Variants in GBX1 observed in about 807,000 individuals in gnomAD.
GBX1 encodes the protein gastrulation brain homeobox 1.
Under a neutral mutation model 22.9 loss-of-function variants are expected in GBX1, and 9 were observed. The observed-to-expected ratio is 0.39, with a 90% CI of 0.24 to 0.69. The LOEUF (loss-of-function observed/expected upper bound fraction) is 0.69, where lower values mean the gene tolerates loss of function less well. Among genes scored for constraint, GBX1 ranks in the 30% least tolerant of loss-of-function variants. GBX1 has a pLI of 0.43. For synonymous variants in GBX1, 203 were observed against 227.3 expected, an observed-to-expected ratio of 0.89 and a Z score of 0.96; for missense variants, 494 against 509.2, an observed-to-expected ratio of 0.97 and a Z score of 0.29.
rs534878987 is a variant in GBX1 at position 151,148,078 on chromosome 7, G to A, written c.*511C>T. 9.8e-5 allele frequency among the ~76,000 whole-genome samples: 15 copies of A among 152,300 alleles called. No individual in the cohort carries two copies. The highest frequency in any genetic ancestry group is 1.8e-4 in the Non-Finnish European group (12 of 68,020). On this transcript the variant is annotated 3_prime_UTR_variant, in exon 2 of 2. Coordinates refer to ENST00000297537, the MANE Select transcript of GBX1 (RefSeq NM_001098834.3). The surrounding 1 kb of genome is among the most constrained non-coding windows in gnomAD (Gnocchi z 5.1). ...CCTACCCCAAAGCAGTAGGACAGACGAACTCTGGCTGAGGATTGAGGAAAC... is the reference window on the plus strand; with the variant it reads ...CCTACCCCAAAGCAGTAGGACAGACAAACTCTGGCTGAGGATTGAGGAAAC...
At chr7:151,156,385 C>CAAAAAAAAA (rs56947735) in intron 1 of GBX1, among the ~76,000 whole-genome samples, 4 of 15,930 alleles carry the variant, frequency 2.5e-4, no homozygotes, top group African/African-American at 3.5e-4. Context: ...GACCCTGTCT[C>CAAAAAAAAA]AAAAAAAAAA....
rs978849771 is a variant in GBX1 at position 151,167,158 on chromosome 7, T to C, written c.391A>G (p.Thr131Ala). The stretch of plus-strand genomic sequence containing the variant: ...GGCTCGGGGTTGTTTCGGGCGGCAG[T>C]GGCGGCGGCGGCGGCAGCGGCGGCG... ...LAAAAAAAAA[T>A]AARNNPEPGG... is the part of the protein sequence containing the mutation. The change falls in exon 1 of 2, where the codon ACT (threonine) becomes GCT (alanine). Residue 131 changes from threonine to alanine, a missense_variant. This residue lies in a region of GBX1 where 365 missense variants were observed against 340.4 expected (regional missense o/e 1.07). Coordinates refer to ENST00000297537, the MANE Select transcript of GBX1 (RefSeq NM_001098834.3). The surrounding 1 kb of genome is among the most constrained non-coding windows in gnomAD (Gnocchi z 5.9). 7 of 1,591,928 alleles carry C rather than the reference T, an allele frequency of 4.4e-6. No individual in the cohort carries two copies. The African/African-American group carries it at 5.5e-5, about 13-fold the overall frequency.
intron 1 of GBX1, 56 bp from the exon 2 acceptor site, chr7:151,149,198 T>C: frequency 1.3e-6 from 2 of 1,525,422 alleles, no homozygotes; most frequent in East Asian, 2.3e-5. Flanking sequence ...AAAGAGAGTT[T>C]GGAGGAGGCC....
Position 151,148,676 on chromosome 7 carries a change from G to A in GBX1, c.1005C>T (p.Pro335=), listed in dbSNP as rs1801041684. The part of the protein sequence containing the change: ...SSRSGEPVRN[P]KIVVPIPVHV... ...GCACAGGTATGGGGACAACAATCTT[G>A]GGGTTTCTTACGGGCTCCCCAGAAC... Residue 335 remains proline, a synonymous_variant, in exon 2 of 2, where the codon CCC becomes CCT. Coordinates refer to ENST00000297537, the MANE Select transcript of GBX1 (RefSeq NM_001098834.3). This position sits in a 1 kb window ranked among gnomAD's most constrained non-coding sequence, Gnocchi z 5.1. 6.2e-7 allele frequency: 1 copy of A among 1,613,954 alleles called. No individual in the cohort carries two copies. The highest frequency in any genetic ancestry group is 8.5e-7 in the Non-Finnish European group (1 of 1,180,030).
intron 1 of GBX1, among the ~76,000 whole-genome samples, chr7:151,163,087 TGA>T (rs1347306250): frequency 6.6e-6 from 1 of 152,182 alleles, no homozygotes; most frequent in East Asian, 1.9e-4. Context: ...ATTACAGGCG[TGA>T]GCCACCGCGC....
At position 151,167,442 on chromosome 7, in the gene GBX1, G is replaced by A; in HGVS notation, c.107C>T (p.Pro36Leu). 3 of 1,509,350 alleles carry A rather than the reference G, an allele frequency of 2.0e-6. No individual in the cohort carries two copies. The highest frequency in any genetic ancestry group is 2.6e-6 in the Non-Finnish European group (3 of 1,132,144). The allele number at this position is 1,509,350 out of a possible 1,614,324, so 93.5% of individuals were successfully genotyped here. Reference protein sequence around the residue: ...SIDSLIGPPPPRSGHLLYTGY... With the variant: ...SIDSLIGPPPLRSGHLLYTGY... ...GGTGTACAGCAAGTGGCCGGAGCGC[G>A]GCGGCGGCGGCCCGATTAGGGAGTC... The change falls in exon 1 of 2, where the codon CCG becomes CTG. Residue 36 changes from proline to leucine, a missense_variant. Coordinates refer to ENST00000297537, the MANE Select transcript of GBX1 (RefSeq NM_001098834.3). The surrounding 1 kb of genome is among the most constrained non-coding windows in gnomAD (Gnocchi z 5.9).
chr7:151,162,276 C>T (rs941072624), intron 1 of GBX1, among the ~76,000 whole-genome samples: 3 of 152,208 alleles, frequency 2.0e-5, no homozygotes, highest in Admixed American at 2.0e-4. Flanking sequence ...AATTCCACGT[C>T]ATATTATCAT....
chr7:151,152,665 G>A (rs943103004), intron 1 of GBX1, among the ~76,000 whole-genome samples: 1 of 152,162 alleles, frequency 6.6e-6, no homozygotes, highest in Non-Finnish European at 1.5e-5. Context: ...AATCTAAATT[G>A]ATGATGATTG....
At chr7:151,156,727 G>A (rs890066777) in intron 1 of GBX1, among the ~76,000 whole-genome samples, 3 of 152,198 alleles carry the variant, frequency 2.0e-5, no homozygotes, top group South Asian at 4.1e-4. Context: ...GCTCATGCCT[G>A]TAATCCTAGC....
chr7:151,162,107 T>C (rs574374860), intron 1 of GBX1, among the ~76,000 whole-genome samples: 38 of 152,170 alleles, frequency 2.5e-4, no homozygotes, highest in Non-Finnish European at 5.6e-4. Context: ...AAACAAATGT[T>C]CCATCAATCA....
chr7:151,167,450 C>T lies in GBX1; in HGVS notation c.99G>A (p.Pro33=). The change falls in exon 1 of 2, where the codon CCG becomes CCA. Residue 33 remains proline (P), a synonymous_variant. Coordinates refer to ENST00000297537, the MANE Select transcript of GBX1 (RefSeq NM_001098834.3). This position sits in a 1 kb window ranked among gnomAD's most constrained non-coding sequence, Gnocchi z 5.9. ...TAFSIDSLIG[P]PPPRSGHLLY... ...GCAAGTGGCCGGAGCGCGGCGGCGG[C>T]GGCCCGATTAGGGAGTCGATGGAGA... 1 of 1,515,852 alleles carries T rather than the reference C, an allele frequency of 6.6e-7. No homozygotes were observed. Among genetic ancestry groups the T allele is most frequent in the Non-Finnish European group, 8.8e-7 (1 of 1,135,084 alleles). 93.9% of individuals were successfully genotyped at this position (1,515,852 alleles called of 1,614,324 possible).
chr7:151,154,894 C>T (rs1332868993), intron 1 of GBX1, among the ~76,000 whole-genome samples: 4 of 152,138 alleles, frequency 2.6e-5, no homozygotes, highest in African/African-American at 9.7e-5. Context: ...ACACAATGCC[C>T]TAGACTCACT....
chr7:151,157,786 G>T (rs1015671440), intron 1 of GBX1, among the ~76,000 whole-genome samples: 1 of 152,160 alleles, frequency 6.6e-6, no homozygotes, highest in African/African-American at 2.4e-5. Context: ...CATGTGACTT[G>T]GTTCTGACCA....
At chr7:151,150,454 G>A (rs956681784) in intron 1 of GBX1, among the ~76,000 whole-genome samples, 2 of 152,132 alleles carry the variant, frequency 1.3e-5, no homozygotes, top group Non-Finnish European at 2.9e-5. Context: ...TCCCTGTATC[G>A]GCCACATATC....
chr7:151,167,180 G>A lies in GBX1; in HGVS notation c.369C>T (p.Ala123=), dbSNP rs769526772. 6 of 1,578,180 alleles carry A rather than the reference G, an allele frequency of 3.8e-6. No individual in the cohort carries two copies. The highest frequency in any genetic ancestry group is 2.8e-5 in the African/African-American group (2 of 72,572). The change falls in exon 1 of 2, where the codon GCC becomes GCT. Residue 123 remains alanine (A), a synonymous_variant. Transcript: ENST00000297537. The surrounding 1 kb of genome is among the most constrained non-coding windows in gnomAD (Gnocchi z 5.9). The part of the protein sequence containing the change: ...DAFYGPQELA[A]AAAAAAATAA... ...CAGTGGCGGCGGCGGCGGCAGCGGC[G>A]GCGGCGAGCTCCTGGGGCCCGTAGA... is the stretch of plus-strand genomic sequence containing the variant.
At chr7:151,152,192 C>G (rs144105200) in intron 1 of GBX1, among the ~76,000 whole-genome samples, 1 of 152,128 alleles carries the variant, frequency 6.6e-6, no homozygotes, top group Admixed American at 6.5e-5. Flanking sequence ...ATAAAAGAAA[C>G]GATTTCCAAA....
At chr7:151,158,463 G>T (rs529696823) in intron 1 of GBX1, among the ~76,000 whole-genome samples, 5 of 143,838 alleles carry the variant, frequency 3.5e-5, no homozygotes, top group South Asian at 4.4e-4. Context: ...TTTTGTTTTT[G>T]TTTTTTTTTT....
At chr7:151,150,090 A>AG in intron 1 of GBX1, 4 of 356,064 alleles carry the variant, frequency 1.1e-5, no homozygotes, top group South Asian at 8.0e-5. Flanking sequence ...AGAGAAGGAA[A>AG]GGGTAAAAAA....
At chr7:151,149,861 C>T (rs1448209707) in intron 1 of GBX1, 1 of 452,468 alleles carries the variant, frequency 2.2e-6, no homozygotes, top group Non-Finnish European at 4.4e-6. Context: ...TTACTTAGGC[C>T]TCCTGATCCC....
Sources: allele counts gnomAD v4.1 joint callset (sites outside exome capture counted in the v4.1 genomes callset), GRCh38; gene constraint gnomAD v4.1.1; regional missense constraint gnomAD v4.1.1; non-coding constraint Gnocchi (gnomAD v3.1); transcripts MANE v1.5; gene names NCBI Gene and HGNC (gene_info 2026-07-23, HGNC 2026-07-21).